The following IFT88 variants were observed in gnomAD, a reference collection of about 807,000 sequenced individuals.
IFT88 encodes the protein intraflagellar transport protein 88 homolog.
In IFT88, 74 loss-of-function variants were observed where a neutral mutation model predicts 119.5. The ratio of observed to expected loss-of-function variants is 0.62; its 90% confidence interval spans 0.51 to 0.75. The LOEUF (loss-of-function observed/expected upper bound fraction) is 0.75, where lower values mean the gene tolerates loss of function less well. Ranked by LOEUF, IFT88 falls within the 30% of genes least tolerant of loss-of-function variation. The probability of loss-of-function intolerance (pLI) is 0.00; values close to 1 mark genes in which losing one functional copy is unlikely to be tolerated. For missense variants in IFT88, 961 were observed against 977.7 expected (o/e 0.98, Z 0.23); for synonymous variants, 279 against 316.7 (o/e 0.88, Z 1.26).
At position 20,610,777 on chromosome 13, in the gene IFT88, A is replaced by G. The variant is rs148097247; in HGVS notation, c.1113-5016A>G. ...ATATTAACAAAATTTAAAAAGAATT[A>G]TGCATCTGGACCAAATGGGATTTGT... On this transcript the variant is annotated intron_variant, in intron 13 of 25. Coordinates refer to ENST00000351808, the MANE Select transcript of IFT88 (RefSeq NM_006531.5). Among the ~76,000 whole-genome samples the G allele has an allele frequency of 1.1e-4, 17 of 152,320 alleles. No individual in the cohort carries two copies. The East Asian group carries it at 3.1e-3, about 28-fold the overall frequency.
At chr13:20,645,537 G>T (rs768719294) in intron 20 of IFT88, among the ~76,000 whole-genome samples, 3 of 151,702 alleles carry the variant, frequency 2.0e-5, no homozygotes, top group Non-Finnish European at 2.9e-5. Flanking sequence ...AACAATTATT[G>T]TTCCTTTATC....
At chr13:20,612,438 A>G (rs1474420443) in intron 13 of IFT88, 1 of 152,220 alleles carries the variant, frequency 6.6e-6, no homozygotes, top group African/African-American at 2.4e-5. Context: ...AATAAATTTA[A>G]TGAAAGAAAT....
intron 13 of IFT88, among the ~76,000 whole-genome samples, chr13:20,610,655 C>A (rs2044328188): frequency 6.7e-6 from 1 of 150,022 alleles, no homozygotes; most frequent in African/African-American, 2.5e-5. Flanking sequence ...GTAGAAGTAC[C>A]CTACTACCAA....
chr13:20,659,824 A>G (rs1238299918), intron 22 of IFT88, among the ~76,000 whole-genome samples: 2 of 151,964 alleles, frequency 1.3e-5, no homozygotes, highest in Admixed American at 1.3e-4. Flanking sequence ...TTGTAGTTTT[A>G]GTAGGGATGG....
At chr13:20,582,825 A>G (rs902143645) in intron 2 of IFT88, 132 bp from the exon 3 acceptor site, 58 of 614,900 alleles carry the variant, frequency 9.4e-5, no homozygotes, top group Non-Finnish European at 1.5e-4. Context: ...GATTTGAGGT[A>G]GGAGTCCTAG....
rs1194591998 is a variant in IFT88 at position 20,625,789 on chromosome 13, A to T, written c.1239A>T (p.Leu413=). ...EVVKASQYVE[L]ANDLEINKAV... is the part of the protein sequence containing the mutation. Reference sequence around the variant, plus strand: ...TGAAAGCTTCTCAATATGTAGAGCTAGCCAATGATCTGGAAATAAACAAAG... The same window carrying T: ...TGAAAGCTTCTCAATATGTAGAGCTTGCCAATGATCTGGAAATAAACAAAG... The change falls in exon 15 of 26, where the codon CTA becomes CTT. Residue 413 remains leucine, a synonymous_variant. Coordinates refer to ENST00000351808, the MANE Select transcript of IFT88 (RefSeq NM_006531.5). 1 of 1,605,674 alleles carries T rather than the reference A, an allele frequency of 6.2e-7. No individual in the cohort carries two copies. The highest frequency in any genetic ancestry group is 8.5e-7 in the Non-Finnish European group (1 of 1,177,950).
chr13:20,652,110 GT>G (rs1416334012), intron 20 of IFT88, among the ~76,000 whole-genome samples: 6 of 152,296 alleles, frequency 3.9e-5, no homozygotes, highest in Non-Finnish European at 7.4e-5. Flanking sequence ...GAGTGTTTCT[GT>G]TTGGTGTCAT....
intron 16 of IFT88, among the ~76,000 whole-genome samples, chr13:20,636,630 T>C (rs999158595): frequency 2.0e-5 from 3 of 152,256 alleles, no homozygotes; most frequent in Non-Finnish European, 4.4e-5. Flanking sequence ...GTTTGCACTT[T>C]ATCCAGCCTC....
intron 1 of IFT88, among the ~76,000 whole-genome samples, chr13:20,569,077 C>T (rs991953282): frequency 1.3e-4 from 20 of 151,886 alleles, no homozygotes; most frequent in Non-Finnish European, 2.5e-4. Context: ...GTGACATTTG[C>T]CCTCATAGTA....
rs147560912 is a variant in IFT88, at chr13:20,604,536, T to G, written c.1042-499T>G. The stretch of plus-strand genomic sequence containing the variant: ...TATCAGCTTCTTAGAATAGGTTAGT[T>G]CAATGGAGAATGTGATTGGTAATCA... On this transcript the variant is annotated intron_variant, in intron 12 of 25. Coordinates refer to ENST00000351808, the MANE Select transcript of IFT88 (RefSeq NM_006531.5). Among the ~76,000 whole-genome samples, 393 of 152,302 alleles carry G rather than the reference T, an allele frequency of 2.6e-3. 1 individual carries two copies. The highest frequency in any genetic ancestry group is 8.9e-3 in the African/African-American group (369 of 41,576).
intron 1 of IFT88, among the ~76,000 whole-genome samples, chr13:20,569,061 A>G (rs946236232): frequency 6.6e-6 from 1 of 152,106 alleles, no homozygotes; most frequent in Non-Finnish European, 1.5e-5. Flanking sequence ...TGCCATTTCT[A>G]TGTGGGTGAC....
intron 24 of IFT88, among the ~76,000 whole-genome samples, chr13:20,683,318 G>T (rs749439052): frequency 2.6e-5 from 4 of 152,094 alleles, no homozygotes; most frequent in Non-Finnish European, 5.9e-5. Context: ...TCCGCTTGAA[G>T]CAGTTTCTTT....
intron 1 of IFT88, among the ~76,000 whole-genome samples, chr13:20,568,852 C>G (rs566172006): frequency 1.5e-3 from 229 of 152,178 alleles, no homozygotes; most frequent in African/African-American, 5.1e-3. Flanking sequence ...TCCCGAGTAG[C>G]TGGGACTACA....
intron 15 of IFT88, among the ~76,000 whole-genome samples, chr13:20,627,977 A>C (rs1342980985): frequency 6.6e-6 from 1 of 151,844 alleles, no homozygotes; most frequent in East Asian, 1.9e-4. Context: ...TCTTTTCATC[A>C]TTGCTGCTTT....
chr13:20,637,416 G>T (rs1329817488), intron 16 of IFT88, among the ~76,000 whole-genome samples: 1 of 152,182 alleles, frequency 6.6e-6, no homozygotes. Context: ...GGGAGCTGGA[G>T]ATCTGAGGAG....
chr13:20,628,360 T>C (rs1202980440), intron 15 of IFT88, among the ~76,000 whole-genome samples: 1 of 152,216 alleles, frequency 6.6e-6, no homozygotes, highest in East Asian at 1.9e-4. Flanking sequence ...AGCGGAATGC[T>C]GAAGCCAGGA....
chr13:20,575,807 A>T (rs2037266655), intron 2 of IFT88, among the ~76,000 whole-genome samples: 1 of 152,242 alleles, frequency 6.6e-6, no homozygotes, highest in African/African-American at 2.4e-5. Context: ...CAAAACTGCA[A>T]TTACTTTGGC....
chr13:20,580,724 CTTTTTTT>C (rs1162699940), intron 2 of IFT88, among the ~76,000 whole-genome samples: 60 of 122,738 alleles, frequency 4.9e-4, no homozygotes, highest in Non-Finnish European at 8.4e-4. Context: ...TTTCTTTTTT[CTTTTTTT>C]TTTTTTTTTT....
chr13:20,670,523 C>CTTTTTTTTT (rs56143632), intron 23 of IFT88, among the ~76,000 whole-genome samples: 1 of 94,972 alleles, frequency 1.1e-5, no homozygotes, highest in Non-Finnish European at 2.1e-5. Flanking sequence ...CTCAGCTTAC[C>CTTTTTTTTT]TTTTTTTTTT....
Sources: allele counts gnomAD v4.1 joint callset (sites outside exome capture counted in the v4.1 genomes callset), GRCh38; gene constraint gnomAD v4.1.1; transcripts MANE v1.5; gene names NCBI Gene and HGNC (gene_info 2026-07-23, HGNC 2026-07-21).